The following LRRFIP2 variants were observed in gnomAD, a reference collection of about 807,000 sequenced individuals.
LRRFIP2 encodes leucine-rich repeat flightless-interacting protein 2.
In LRRFIP2, 109 loss-of-function variants were observed where a neutral mutation model predicts 125.9. The ratio of observed to expected loss-of-function variants is 0.87; its 90% CI spans 0.74 to 1.01. The LOEUF is 1.01. LRRFIP2 is among the 50% of genes least tolerant of loss of function. LRRFIP2 has a pLI of 0.00. For missense variants in LRRFIP2, 850 were observed against 862.3 expected (o/e 0.99, Z 0.18); for synonymous variants, 291 against 293.1 (o/e 0.99, Z 0.07).
At chr3:37,114,854 T>A (rs1342970539) in intron 7 of LRRFIP2, among the ~76,000 whole-genome samples, 200 bp downstream of exon 7, 1 of 151,772 alleles carries the variant, frequency 6.6e-6, no homozygotes, top group African/African-American at 2.4e-5. Context: ...GAATAACTTG[T>A]GTCTAATTCT....
intron 1 of LRRFIP2, among the ~76,000 whole-genome samples, chr3:37,155,289 C>T (rs1228732833): frequency 6.6e-6 from 1 of 152,262 alleles, no homozygotes; most frequent in African/African-American, 2.4e-5. Context: ...ACCTATTTTG[C>T]ATATTTAGCT....
intron 19 of LRRFIP2, among the ~76,000 whole-genome samples, chr3:37,076,515 A>C (rs976697266): frequency 1.1e-4 from 17 of 150,654 alleles, no homozygotes; most frequent in African/African-American, 3.4e-4. Flanking sequence ...CGACGGAGTG[A>C]GACTCTGTCT....
At chr3:37,096,505 G>A in intron 16 of LRRFIP2, 111 bp downstream of exon 16, 1 of 684,808 alleles carries the variant, frequency 1.5e-6, no homozygotes, top group Non-Finnish European at 2.5e-6. Context: ...ATAGATGAAG[G>A]GAGGAAGAGC....
rs770820072 is a variant in LRRFIP2, at chr3:37,072,792, C to G, written c.1462G>C (p.Gly488Arg). The part of the protein sequence containing the change: ...ETLLWKDKKI[G>R]ALEKQKEYIA... ...CAAAGCCCAATTTCATTTCATACCC[C>G]AATTTTTTTATCTTTCCAAAGAAGT... Residue 488 changes from glycine (G) to arginine (R), a missense_variant and splice_region_variant, in exon 21 of 28, where the codon GGG (glycine) becomes CGG (arginine). Physicochemically the swap from Gly to Arg is moderately radical, Grantham distance 125. Transcript: ENST00000336686. 5.6e-6 allele frequency: 9 copies of G among 1,606,250 alleles called. No homozygotes were observed. Among genetic ancestry groups the G allele is most frequent in the Non-Finnish European group, 7.7e-6 (9 of 1,173,478 alleles).
intron 17 of LRRFIP2, among the ~76,000 whole-genome samples, chr3:37,094,186 A>G (rs1244883885): frequency 6.6e-6 from 1 of 152,178 alleles, no homozygotes; most frequent in African/African-American, 2.4e-5. Context: ...TGAATGAACA[A>G]ATGTATGCAA....
chr3:37,083,470 A>G lies in LRRFIP2; in HGVS notation c.1278+166T>C, dbSNP rs3821825. Among the ~76,000 whole-genome samples, 132 of 152,354 alleles carry G rather than the reference A, an allele frequency of 8.7e-4. 1 individual carries two copies. In the East Asian group the frequency reaches 0.015, roughly 18 times the overall value. The stretch of plus-strand genomic sequence containing the variant: ...AGAAAATATTTTTTTAAATAAAAAA[A>G]GAGTCATCCAGGGCCTGATATCTCA... On this transcript the variant is annotated intron_variant, in intron 19 of 27. Transcript: ENST00000336686.
In LRRFIP2 at chr3:37,053,760, C is replaced by T; in HGVS notation, c.*91G>A. 1 of 769,682 alleles carries T rather than the reference C, an allele frequency of 1.3e-6. No individual in the cohort carries two copies. Among genetic ancestry groups the T allele is most frequent in the Middle Eastern group, 2.4e-4 (1 of 4,216 alleles). The allele number at this position is 769,682 out of a possible 1,614,324, so 47.7% of individuals were successfully genotyped here. ...GCTGTTTTAATGACAAAACTCAAAA[C>T]AGTACTAAAAGGGGTTTGTGTCAAT... On this transcript the variant is annotated 3_prime_UTR_variant, in exon 28 of 28. Coordinates refer to ENST00000336686, the MANE Select transcript of LRRFIP2 (RefSeq NM_006309.4).
At chr3:37,059,921 G>C (rs533075858) in intron 24 of LRRFIP2, among the ~76,000 whole-genome samples, 38 of 152,226 alleles carry the variant, frequency 2.5e-4, no homozygotes, top group African/African-American at 7.9e-4. Flanking sequence ...ATGGGAAAAG[G>C]GTAAGCTCTA....
At chr3:37,160,860 G>T (rs1264896725) in intron 1 of LRRFIP2, among the ~76,000 whole-genome samples, 1 of 151,188 alleles carries the variant, frequency 6.6e-6, no homozygotes, top group Non-Finnish European at 1.5e-5. Context: ...AAACACAACA[G>T]AAATAATCAA....
intron 1 of LRRFIP2, among the ~76,000 whole-genome samples, chr3:37,152,515 C>G (rs1367093572): frequency 1.3e-5 from 2 of 152,118 alleles, no homozygotes; most frequent in African/African-American, 4.8e-5. Flanking sequence ...ATGATCTTGG[C>G]TCACTGCAGT....
Position 37,072,785 on chromosome 3 carries a change from C to A in LRRFIP2, c.1464+5G>T. On this transcript the variant is annotated splice_donor_5th_base_variant and intron_variant, in intron 21 of 27. Coordinates refer to ENST00000336686, the MANE Select transcript of LRRFIP2 (RefSeq NM_006309.4). The stretch of plus-strand genomic sequence containing the variant: ...TTCTAACCAAAGCCCAATTTCATTT[C>A]ATACCCCAATTTTTTTATCTTTCCA... 6.3e-7 allele frequency: 1 copy of A among 1,596,168 alleles called. No homozygotes were observed.
At chr3:37,061,662 C>T (rs1003801963) in intron 24 of LRRFIP2, among the ~76,000 whole-genome samples, 2 of 152,244 alleles carry the variant, frequency 1.3e-5, no homozygotes, top group African/African-American at 2.4e-5. Context: ...GCTGGGATTA[C>T]AGGCATGAGC....
chr3:37,071,231 TTTTAAAG>T (rs1422921879), intron 21 of LRRFIP2, among the ~76,000 whole-genome samples: 1 of 152,226 alleles, frequency 6.6e-6, no homozygotes, highest in African/African-American at 2.4e-5. Context: ...CTACAAACTT[TTTTAAAG>T]AAAGGGTATC....
chr3:37,118,107 G>C (rs368610825), intron 6 of LRRFIP2, among the ~76,000 whole-genome samples: 1 of 152,184 alleles, frequency 6.6e-6, no homozygotes, highest in African/African-American at 2.4e-5. Flanking sequence ...CTTTTTCTTC[G>C]TTTTTATGCT....
At chr3:37,135,164 T>TA in intron 2 of LRRFIP2, 4 of 1,094,966 alleles carry the variant, frequency 3.7e-6, no homozygotes, top group South Asian at 1.4e-5. Flanking sequence ...AAATTACTGT[T>TA]TAAAAAAAAA....
chr3:37,081,956 A>G (rs1276391540), intron 19 of LRRFIP2, among the ~76,000 whole-genome samples: 2 of 151,868 alleles, frequency 1.3e-5, no homozygotes, highest in African/African-American at 2.4e-5. Context: ...AAATAACTCT[A>G]TTACCTTCTA....
At chr3:37,065,485 C>G (rs2089931538) in intron 23 of LRRFIP2, 1 of 477,950 alleles carries the variant, frequency 2.1e-6, no homozygotes, top group South Asian at 1.6e-5. Flanking sequence ...TCCTGCTAGC[C>G]TACTGCTCCC....
intron 2 of LRRFIP2, among the ~76,000 whole-genome samples, chr3:37,143,035 C>A (rs776635748): frequency 2.0e-5 from 3 of 152,060 alleles, no homozygotes; most frequent in Non-Finnish European, 2.9e-5. Flanking sequence ...GTCCCCCTTG[C>A]GCTCTCGTTT....
chr3:37,124,444 T>A (rs2095194897), intron 4 of LRRFIP2, among the ~76,000 whole-genome samples: 2 of 152,188 alleles, frequency 1.3e-5, no homozygotes, highest in Admixed American at 6.5e-5. Flanking sequence ...GGGTCATTTT[T>A]AATTACTTCT....
Sources: allele counts gnomAD v4.1 joint callset (sites outside exome capture counted in the v4.1 genomes callset), GRCh38; gene constraint gnomAD v4.1.1; transcripts MANE v1.5; gene names NCBI Gene and HGNC (gene_info 2026-07-23, HGNC 2026-07-21).